The following FCMR variants were observed in gnomAD, a reference collection of about 807,000 sequenced individuals.
The protein encoded by FCMR is immunoglobulin mu Fc receptor.
In FCMR, 34 loss-of-function variants were observed where a neutral mutation model predicts 41.6. The observed-to-expected ratio is 0.82, with a 90% CI of 0.62 to 1.09. FCMR has a LOEUF of 1.09. Ranked by LOEUF, FCMR falls within the 50% of genes least tolerant of loss-of-function variation. The pLI is 0.00. For synonymous variants in FCMR, 209 were observed against 211.8 expected (o/e 0.99, Z 0.12); for missense variants, 496 against 512.5 (o/e 0.97, Z 0.31).
At chr1:206,913,587 G>T in intron 2 of FCMR, 172 bp downstream of exon 2, 1 of 610,944 alleles carries the variant, frequency 1.6e-6, no homozygotes, top group South Asian at 2.0e-5. Flanking sequence ...AAAATTGTGT[G>T]GACCATGGAG....
At chr1:206,911,135 C>T (rs528959939) in intron 4 of FCMR, among the ~76,000 whole-genome samples, 5 of 152,308 alleles carry the variant, frequency 3.3e-5, no homozygotes, top group Admixed American at 1.3e-4. Flanking sequence ...GTTCTCATGG[C>T]CCCAGTTTCT....
At chr1:206,908,583 T>G (rs1216566219) in intron 7 of FCMR, among the ~76,000 whole-genome samples, 1 of 152,166 alleles carries the variant, frequency 6.6e-6, no homozygotes, top group African/African-American at 2.4e-5. Flanking sequence ...GTGCAAGCGC[T>G]TGGGGACAAC....
intron 1 of FCMR, among the ~76,000 whole-genome samples, chr1:206,915,928 G>A (rs1005645889): frequency 6.6e-6 from 1 of 151,916 alleles, no homozygotes; most frequent in African/African-American, 2.4e-5. Flanking sequence ...AGACACTCTG[G>A]GCAAAGGGAA....
chr1:206,907,661 C>A, intron 7 of FCMR: 2 of 785,518 alleles, frequency 2.5e-6, no homozygotes, highest in South Asian at 1.3e-5. Context: ...TGGAGGCCAT[C>A]TCCTGGGCCC....
At chr1:206,918,319 A>G (rs1269544349) in intron 1 of FCMR, among the ~76,000 whole-genome samples, 2 of 152,032 alleles carry the variant, frequency 1.3e-5, no homozygotes, top group Non-Finnish European at 1.5e-5. Flanking sequence ...TGGCTAGCCC[A>G]GGCCCTGTGC....
chr1:206,909,929 C>T lies in FCMR; in HGVS notation c.842-61G>A. On this transcript the variant is annotated intron_variant, in intron 5 of 7. Transcript: ENST00000367091. The surrounding 1 kb of genome is among the most constrained non-coding windows in gnomAD (Gnocchi z 5.0). ...GGCATCAGAGGCCCGTGCCACCCTC[C>T]CCAAACGAAAGGCTGCCTCCTCCCT... The T allele has an allele frequency of 7.3e-7, 1 of 1,364,906 alleles. No homozygotes were observed. The highest frequency in any genetic ancestry group is 9.4e-7 in the Non-Finnish European group (1 of 1,059,824). 84.5% of individuals were successfully genotyped at this position (1,364,906 alleles called of 1,614,324 possible).
chr1:206,922,105 G>T (rs1461996275), upstream of FCMR: 5 of 553,856 alleles, frequency 9.0e-6, no homozygotes, highest in Non-Finnish European at 1.6e-5. Flanking sequence ...GTAAGAAAGG[G>T]TCACCCTGTT....
In FCMR at chr1:206,909,548, C is replaced by T. The variant is rs1572620056; in HGVS notation, c.986-28G>A. 7.6e-7 allele frequency: 1 copy of T among 1,321,714 alleles called. No homozygotes were observed. The highest frequency in any genetic ancestry group is 1.5e-5 in the African/African-American group (1 of 64,932). 81.9% of individuals were successfully genotyped at this position (1,321,714 alleles called of 1,614,324 possible). Reference sequence around the variant, plus strand: ...AGGGAACAGCGAGGGCGAGGTGAGGCGGCGGCCGAGGCTCCCGCCCCACCG... The same window carrying T: ...AGGGAACAGCGAGGGCGAGGTGAGGTGGCGGCCGAGGCTCCCGCCCCACCG... On this transcript the variant is annotated intron_variant, in intron 6 of 7. Transcript: ENST00000367091. The surrounding 1 kb of genome is among the most constrained non-coding windows in gnomAD (Gnocchi z 5.0).
At chr1:206,911,220 A>G (rs972486163) in intron 4 of FCMR, among the ~76,000 whole-genome samples, 6 of 145,940 alleles carry the variant, frequency 4.1e-5, no homozygotes, top group Non-Finnish European at 7.5e-5. Flanking sequence ...ATGCAAAACC[A>G]ATTTTGATTA....
Position 206,910,313 on chromosome 1 carries a change from C to A in FCMR, c.738G>T (p.Gly246=). 6.4e-7 allele frequency: 1 copy of A among 1,571,258 alleles called. No homozygotes were observed. Among genetic ancestry groups the A allele is most frequent in the Non-Finnish European group, 8.6e-7 (1 of 1,158,104 alleles). Residue 246 remains glycine, a synonymous_variant, in exon 5 of 8, where the codon GGG becomes GGT. Transcript: ENST00000367091. The stretch of plus-strand genomic sequence containing the variant: ...GGATGTGAAATCCTTGGCCTTCCCT[C>A]CCAGACTGTGAGCCATAGTCCAGTG... The part of the protein sequence containing the change: ...QRALDYGSQS[G]REGQGFHILI...
At chr1:206,918,253 C>T (rs796197655) in intron 1 of FCMR, among the ~76,000 whole-genome samples, 21 of 152,280 alleles carry the variant, frequency 1.4e-4, no homozygotes, top group Non-Finnish European at 2.4e-4. Flanking sequence ...ATACCCTCAA[C>T]GGTGGCTCCC....
chr1:206,922,083 A>T (rs1572635402), upstream of FCMR: 1 of 586,468 alleles, frequency 1.7e-6, no homozygotes, highest in East Asian at 2.9e-5. Context: ...CTGAGAAAAC[A>T]TGTTGTGTGG....
rs1044621141 is a variant in FCMR at position 206,904,209 on chromosome 1, G to A, written c.*810C>T. 1 of 152,038 alleles carries A rather than the reference G, an allele frequency of 6.6e-6. No homozygotes were observed. Among genetic ancestry groups the A allele is most frequent in the African/African-American group, 2.4e-5 (1 of 41,320 alleles). The allele number at this position is 152,038 out of a possible 1,614,324, so 9.4% of individuals were successfully genotyped here. ...GGAACATTTGTGAAAACCAAGAAAT[G>A]TAATGGTTTTGGATGAATAAAATAG... is the stretch of plus-strand genomic sequence containing the variant. On this transcript the variant is annotated 3_prime_UTR_variant, in exon 8 of 8. Transcript: ENST00000367091.
At chr1:206,920,448 C>T (rs1679385150) in intron 1 of FCMR, among the ~76,000 whole-genome samples, 1 of 108,006 alleles carries the variant, frequency 9.3e-6, no homozygotes, top group Non-Finnish European at 1.7e-5. Flanking sequence ...GAGAGAGACT[C>T]TGTCTCAAAA....
chr1:206,911,092 A>G (rs1309476547), intron 4 of FCMR, among the ~76,000 whole-genome samples: 1 of 152,114 alleles, frequency 6.6e-6, no homozygotes, highest in Non-Finnish European at 1.5e-5. Context: ...ATAGGTAGGA[A>G]GCAAGAGTCC....
At position 206,921,871 on chromosome 1, in the gene FCMR, C is replaced by G; in HGVS notation, c.-17G>C. ...GAAGTCCATTGTCCCTTCTAGAGTG[C>G]AAGGTCCATCCAAGAGCCCCTAGAG... is the stretch of plus-strand genomic sequence containing the variant. On this transcript the variant is annotated 5_prime_UTR_variant, in exon 1 of 8. Transcript: ENST00000367091. 1 of 1,613,798 alleles carries G rather than the reference C, an allele frequency of 6.2e-7. No homozygotes were observed. Among genetic ancestry groups the G allele is most frequent in the Non-Finnish European group, 8.5e-7 (1 of 1,179,712 alleles).
chr1:206,911,963 T>C lies in FCMR; in HGVS notation c.488-11A>G. The C allele has an allele frequency of 6.2e-7, 1 of 1,602,694 alleles. No homozygotes were observed. Among genetic ancestry groups the C allele is most frequent in the Non-Finnish European group, 8.5e-7 (1 of 1,174,082 alleles). Reference sequence around the variant, plus strand: ...GAGCTGGTGTGGTAACTGCAGGAGGTAGCAGGAAAAAGGGATGTTCCTTTT... The same window carrying C: ...GAGCTGGTGTGGTAACTGCAGGAGGCAGCAGGAAAAAGGGATGTTCCTTTT... On this transcript the variant is annotated splice_polypyrimidine_tract_variant and intron_variant, in intron 3 of 7. Transcript: ENST00000367091.
In FCMR at chr1:206,911,723, C is replaced by A; in HGVS notation, c.710+7G>T. The stretch of plus-strand genomic sequence containing the variant: ...CTAACTCTAGATCCTGGACAGTGGT[C>A]TCTTACCTCTGCCTGTGCAGCCTGG... On this transcript the variant is annotated splice_region_variant and intron_variant, in intron 4 of 7. Coordinates refer to ENST00000367091, the MANE Select transcript of FCMR (RefSeq NM_005449.5). The A allele has an allele frequency of 6.2e-7, 1 of 1,610,812 alleles. No individual in the cohort carries two copies. Among genetic ancestry groups the A allele is most frequent in the South Asian group, 1.1e-5 (1 of 90,792 alleles).
In FCMR at chr1:206,913,923, G is replaced by A. The variant is rs1291634581; in HGVS notation, c.209C>T (p.Ala70Val). 12 of 1,614,088 alleles carry A rather than the reference G, an allele frequency of 7.4e-6. No individual in the cohort carries two copies. In the South Asian group the frequency reaches 1.2e-4, roughly 16 times the overall value. The stretch of plus-strand genomic sequence containing the variant: ...CAGAGTAACTCGGCCCTTGTATTCT[G>A]CCTTGATGAAGTTGGTGGTGGATAC... ...TVVSTTNFIK[A>V]EYKGRVTLKQ... is the part of the protein sequence containing the mutation. The change falls in exon 2 of 8, where the codon GCA (alanine) becomes GTA (valine). Residue 70 changes from alanine to valine, a missense_variant. By Grantham distance (64) the Ala-to-Val change is moderately conservative. Transcript: ENST00000367091.
Sources: gnomAD v4.1 joint callset for allele counts (sites outside exome capture counted in the v4.1 genomes callset) on GRCh38, gnomAD v4.1.1 for gene constraint, Gnocchi (gnomAD v3.1) non-coding constraint, MANE v1.5 for transcripts, NCBI Gene and HGNC (gene_info 2026-07-23, HGNC 2026-07-21) for gene names.